Variants in PCDH15 observed in about 807,000 individuals in gnomAD.
PCDH15 encodes protocadherin related 15.
In PCDH15, 129 loss-of-function variants were observed where a neutral mutation model predicts 178.5. That is an observed-to-expected ratio of 0.72 (90% CI 0.63 to 0.84). PCDH15 has a LOEUF of 0.84. Ranked by LOEUF, PCDH15 falls within the 40% of genes least tolerant of loss-of-function variation. The pLI is 0.00. For synonymous variants in PCDH15, 800 were observed against 732.0 expected, an observed-to-expected ratio of 1.09 and a Z score of -1.50; for missense variants, 2,230 against 2,099.9, an observed-to-expected ratio of 1.06 and a Z score of -1.21.
intron 16 of PCDH15, among the ~76,000 whole-genome samples, chr10:54,080,626 G>A (rs577944783): frequency 1.3e-5 from 2 of 152,094 alleles, no homozygotes; most frequent in East Asian, 1.9e-4. Context: ...AGTCAAAGCC[G>A]ATGAATCAAA....
chr10:53,975,469 A>C (rs1397288914), intron 21 of PCDH15, among the ~76,000 whole-genome samples: 3 of 151,992 alleles, frequency 2.0e-5, no homozygotes, highest in Non-Finnish European at 2.9e-5. Flanking sequence ...TTAATAATCA[A>C]TACTCTGACT....
intron 1 of PCDH15, among the ~76,000 whole-genome samples, chr10:55,251,995 T>G (rs1280594847): frequency 6.6e-6 from 1 of 152,172 alleles, no homozygotes; most frequent in Non-Finnish European, 1.5e-5. Context: ...CCTGATATAT[T>G]TCTGCTCCTA....
chr10:54,935,082 G>GCAC (rs1837872155), intron 2 of PCDH15, among the ~76,000 whole-genome samples: 1 of 150,718 alleles, frequency 6.6e-6, no homozygotes, highest in Non-Finnish European at 1.5e-5. Flanking sequence ...GACTGTTGTG[G>GCAC]GGTGTGGGGA....
intron 3 of PCDH15, among the ~76,000 whole-genome samples, chr10:54,495,762 A>C (rs948194537): frequency 2.6e-5 from 4 of 152,122 alleles, no homozygotes; most frequent in African/African-American, 7.2e-5. Context: ...TCTGTGTCCA[A>C]AACTTTAGTT....
At chr10:54,901,620 G>A (rs923356575) in intron 2 of PCDH15, among the ~76,000 whole-genome samples, 11 of 151,878 alleles carry the variant, frequency 7.2e-5, no homozygotes, top group African/African-American at 1.9e-4. Context: ...TTTCTAACAT[G>A]TAGTCAATGT....
At chr10:54,507,211 T>A (rs2137613371) in intron 3 of PCDH15, among the ~76,000 whole-genome samples, 1 of 151,994 alleles carries the variant, frequency 6.6e-6, no homozygotes, top group Admixed American at 6.6e-5. Flanking sequence ...TGTTTGGAAA[T>A]CCCAATGAGC....
At chr10:55,120,629 A>G (rs1210919584) in intron 2 of PCDH15, among the ~76,000 whole-genome samples, 1 of 152,156 alleles carries the variant, frequency 6.6e-6, no homozygotes, top group Non-Finnish European at 1.5e-5. Context: ...ATGTGTTTTT[A>G]GGGAAACAGG....
intron 2 of PCDH15, among the ~76,000 whole-genome samples, chr10:55,401,702 TA>T (rs1838075631): frequency 6.6e-6 from 1 of 150,672 alleles, no homozygotes; most frequent in African/African-American, 2.4e-5. Flanking sequence ...TAATGCTGAT[TA>T]GGGGAAGGGA....
At chr10:54,306,161 T>C (rs1222636263) in intron 8 of PCDH15, among the ~76,000 whole-genome samples, 2 of 152,048 alleles carry the variant, frequency 1.3e-5, no homozygotes, top group Non-Finnish European at 2.9e-5. Context: ...GGTTTGATTA[T>C]ATATTTGCTT....
intron 2 of PCDH15, among the ~76,000 whole-genome samples, chr10:55,456,596 T>C (rs866530517): frequency 1.3e-5 from 2 of 152,070 alleles, no homozygotes; most frequent in Non-Finnish European, 2.9e-5. Context: ...GAAAACCTTA[T>C]TGAATATTTT....
intron 35 of PCDH15, among the ~76,000 whole-genome samples, chr10:53,812,383 A>ATT (rs11322657): frequency 2.0e-5 from 3 of 147,082 alleles, no homozygotes; most frequent in Non-Finnish European, 3.0e-5. Context: ...AAATTTTTGT[A>ATT]TTTTTTTTTT....
At chr10:54,841,947 A>G (rs972274228) in intron 3 of PCDH15, among the ~76,000 whole-genome samples, 1 of 151,878 alleles carries the variant, frequency 6.6e-6, no homozygotes, top group African/African-American at 2.4e-5. Flanking sequence ...ATATGATGCC[A>G]TATTAGTTCT....
chr10:54,765,325 G>A (rs76534585), intron 1 of PCDH15, among the ~76,000 whole-genome samples: 1,894 of 152,134 alleles, frequency 0.012, 47 homozygotes, highest in African/African-American at 0.043. Context: ...TTGGGAAAAT[G>A]GAATAAATTA....
intron 3 of PCDH15, among the ~76,000 whole-genome samples, chr10:54,485,873 C>A (rs1381121271): frequency 2.0e-5 from 3 of 152,016 alleles, no homozygotes; most frequent in African/African-American, 4.8e-5. Context: ...TGAATAAATT[C>A]TTTAAAGCTC....
chr10:54,746,389 A>T (rs1945466245), intron 1 of PCDH15, among the ~76,000 whole-genome samples: 1 of 152,140 alleles, frequency 6.6e-6, no homozygotes, highest in African/African-American at 2.4e-5. Context: ...AATGGATAAG[A>T]TCTAGTATTC....
chr10:54,799,935 C>T (rs1952476722), intron 1 of PCDH15, among the ~76,000 whole-genome samples: 1 of 152,128 alleles, frequency 6.6e-6, no homozygotes, highest in East Asian at 1.9e-4. Context: ...GCATTTTGCG[C>T]TCAAAATATG....
chr10:54,732,730 ATCAAGT>A (rs771901056), intron 1 of PCDH15, among the ~76,000 whole-genome samples: 2 of 151,536 alleles, frequency 1.3e-5, no homozygotes, highest in African/African-American at 2.4e-5. Context: ...CAAAAACATG[ATCAAGT>A]AAAACAATGA....
intron 2 of PCDH15, among the ~76,000 whole-genome samples, chr10:55,332,749 G>A (rs958862294): frequency 2.0e-5 from 3 of 152,076 alleles, no homozygotes; most frequent in African/African-American, 7.2e-5. Context: ...GTTTTATAAG[G>A]AGTTTCCTTT....
chr10:54,317,523 C>T lies in PCDH15; in HGVS notation c.706-82G>A, dbSNP rs910291560. 10 of 1,541,534 alleles carry T rather than the reference C, an allele frequency of 6.5e-6. No homozygotes were observed. The African/African-American group carries it at 1.4e-4, about 21-fold the overall frequency. ...GGAGCAGTGGCCCATACCTGTAATC[C>T]CAGAACTTTGGGAGGCCAAGGTGGG... On this transcript the variant is annotated intron_variant, in intron 7 of 37. Coordinates refer to ENST00000644397, the MANE Select transcript of PCDH15 (RefSeq NM_001384140.1).
Sources: allele counts gnomAD v4.1 joint callset (sites outside exome capture counted in the v4.1 genomes callset), GRCh38; gene constraint gnomAD v4.1.1; transcripts MANE v1.5; gene names NCBI Gene and HGNC (gene_info 2026-07-23, HGNC 2026-07-21).